Variants in PATJ observed in about 807,000 individuals in gnomAD.
PATJ encodes the protein inaD-like protein.
PATJ carries 190 observed loss-of-function variants against 224.9 expected under a neutral mutation model. The observed-to-expected ratio is 0.84, with a 90% CI of 0.75 to 0.95. The LOEUF (loss-of-function observed/expected upper bound fraction) is 0.95, where lower values mean the gene tolerates loss of function less well. PATJ is among the 40% of genes least tolerant of loss of function. The pLI is 0.00. For synonymous variants in PATJ, 769 were observed against 820.3 expected (o/e 0.94, Z 1.07); for missense variants, 2,121 against 2,270.3 (o/e 0.93, Z 1.34).
intron 22 of PATJ, among the ~76,000 whole-genome samples, chr1:61,894,753 A>G (rs1401969427): frequency 1.3e-5 from 2 of 152,212 alleles, no homozygotes; most frequent in Non-Finnish European, 2.9e-5. Context: ...TACTGCTATA[A>G]AGATAACCTG....
intron 7 of PATJ, among the ~76,000 whole-genome samples, chr1:61,782,642 CA>C (rs1647580901): frequency 1.3e-5 from 2 of 152,132 alleles, no homozygotes; most frequent in Non-Finnish European, 2.9e-5. Context: ...TTAATATAAT[CA>C]GGCCAATTCC....
At chr1:62,075,301 A>G (rs1658101841) in intron 31 of PATJ, among the ~76,000 whole-genome samples, 1 of 152,172 alleles carries the variant, frequency 6.6e-6, no homozygotes, top group Admixed American at 6.5e-5. Context: ...GGAATTTTCC[A>G]TCCCTGAAGG....
intron 28 of PATJ, among the ~76,000 whole-genome samples, chr1:62,002,709 CAAAAAAA>C (rs766357883): frequency 0.18 from 19,873 of 111,994 alleles, 1,445 homozygotes; most frequent in Middle Eastern, 0.27. Context: ...AACTCTGTCT[CAAAAAAA>C]AAAAAAAAAA....
intron 42 of PATJ, 56 bp downstream of exon 42, chr1:62,148,446 C>A: frequency 7.9e-7 from 1 of 1,269,162 alleles, no homozygotes; most frequent in Non-Finnish European, 1.2e-6. Flanking sequence ...CTCGGAAGAA[C>A]TTTTCCAGAC....
intron 14 of PATJ, among the ~76,000 whole-genome samples, chr1:61,821,815 G>A (rs1049666400): frequency 3.3e-5 from 5 of 152,146 alleles, no homozygotes; most frequent in Non-Finnish European, 7.4e-5. Flanking sequence ...AGATTATAAG[G>A]CCACAATGAG....
chr1:62,108,439 T>C lies in PATJ; in HGVS notation c.4380T>C (p.Asn1460=), dbSNP rs916762810. 3 of 1,601,646 alleles carry C rather than the reference T, an allele frequency of 1.9e-6. No individual in the cohort carries two copies. Among genetic ancestry groups the C allele is most frequent in the African/African-American group, 2.7e-5 (2 of 74,700 alleles). ...SIVGGKDTPL[N]AIVIHEVYEE... is the part of the protein sequence containing the mutation. The stretch of plus-strand genomic sequence containing the variant: ...GAGTAAGATTTTATTTTTTATAGAA[T>C]GCTATAGTTATCCATGAAGTCTATG... The change falls in exon 34 of 44, where the codon AAT becomes AAC. Residue 1460 remains asparagine (N), a splice_region_variant and synonymous_variant. Coordinates refer to ENST00000642238, the MANE Select transcript of PATJ (RefSeq NM_001350145.3).
intron 7 of PATJ, among the ~76,000 whole-genome samples, chr1:61,780,719 A>T (rs1046951639): frequency 6.6e-6 from 1 of 152,092 alleles, no homozygotes; most frequent in Admixed American, 6.6e-5. Flanking sequence ...GGTCAAGTAA[A>T]TTTAAACAAA....
intron 20 of PATJ, among the ~76,000 whole-genome samples, chr1:61,871,459 A>ATATACACATATATGCG (rs1666480642): frequency 1.8e-5 from 1 of 56,002 alleles, no homozygotes; most frequent in African/African-American, 7.8e-5. Context: ...ATATATGCGT[A>ATATACACATATATGCG]TATATATGTA....
intron 27 of PATJ, among the ~76,000 whole-genome samples, chr1:61,967,561 A>T (rs1409793836): frequency 6.6e-6 from 1 of 152,226 alleles, no homozygotes; most frequent in Non-Finnish European, 1.5e-5. Context: ...TTATGTTAAA[A>T]TATTGATTCT....
At chr1:61,843,027 A>T (rs1439936373) in intron 17 of PATJ, among the ~76,000 whole-genome samples, 1 of 152,104 alleles carries the variant, frequency 6.6e-6, no homozygotes, top group Non-Finnish European at 1.5e-5. Context: ...CTTGTTTGTG[A>T]GTGTCATTTG....
At chr1:61,748,041 C>G (rs1645112452) in intron 1 of PATJ, among the ~76,000 whole-genome samples, 2 of 151,828 alleles carry the variant, frequency 1.3e-5, no homozygotes, top group South Asian at 4.2e-4. Context: ...CCACCACACC[C>G]TGCTAATTTT....
intron 18 of PATJ, among the ~76,000 whole-genome samples, chr1:61,860,249 T>TG (rs952366487): frequency 6.6e-6 from 1 of 151,468 alleles, no homozygotes; most frequent in Non-Finnish European, 1.5e-5. Context: ...AAAATAGAGA[T>TG]GGGGTCTCTC....
At chr1:62,142,939 G>GC (rs1667648851) in intron 41 of PATJ, among the ~76,000 whole-genome samples, 4 of 152,306 alleles carry the variant, frequency 2.6e-5, no homozygotes, top group Non-Finnish European at 4.4e-5. Flanking sequence ...GCAGGGGAGT[G>GC]CGGATACCCG....
chr1:62,039,427 T>G (rs916453432), intron 30 of PATJ, among the ~76,000 whole-genome samples: 1 of 152,234 alleles, frequency 6.6e-6, no homozygotes, highest in African/African-American at 2.4e-5. Context: ...AAGCACTCTT[T>G]TAGGCATTAG....
chr1:61,842,570 G>A lies in PATJ; in HGVS notation c.2112+8785G>A, dbSNP rs1258630719. Among the ~76,000 whole-genome samples, 11 of 152,058 alleles carry A rather than the reference G, an allele frequency of 7.2e-5. No individual in the cohort carries two copies. In the East Asian group the frequency reaches 1.7e-3, roughly 24 times the overall value. On this transcript the variant is annotated intron_variant, in intron 17 of 43. Coordinates refer to ENST00000642238, the MANE Select transcript of PATJ (RefSeq NM_001350145.3). ...TACCTTTAGTGAGTGTTTCAGACGTGGCCAAACTATAAATATTAGTGTTTT... is the reference window on the plus strand; with the variant it reads ...TACCTTTAGTGAGTGTTTCAGACGTAGCCAAACTATAAATATTAGTGTTTT...
intron 34 of PATJ, among the ~76,000 whole-genome samples, chr1:62,109,569 G>A (rs1663546181): frequency 6.6e-6 from 1 of 152,228 alleles, no homozygotes; most frequent in Admixed American, 6.5e-5. Context: ...AGACCTCTCT[G>A]GGAGCTGGCT....
At chr1:62,053,161 G>A (rs1310176859) in intron 31 of PATJ, among the ~76,000 whole-genome samples, 1 of 152,172 alleles carries the variant, frequency 6.6e-6, no homozygotes, top group African/African-American at 2.4e-5. Context: ...AGAGGCAGAG[G>A]GCCTGGAGGC....
At chr1:61,899,450 A>T (rs1201126718) in intron 22 of PATJ, 133 bp from the exon 23 acceptor site, 3 of 526,232 alleles carry the variant, frequency 5.7e-6, no homozygotes, top group Admixed American at 6.0e-5. Flanking sequence ...TTATTGATGT[A>T]AATATTTTAA....
At chr1:61,864,657 C>T (rs1373583539) in intron 20 of PATJ, 24 bp downstream of exon 20, 2 of 1,559,842 alleles carry the variant, frequency 1.3e-6, no homozygotes, top group African/African-American at 1.3e-5. Flanking sequence ...ATAGATATTC[C>T]ACACCTCCCC....
Sources: allele counts gnomAD v4.1 joint callset (sites outside exome capture counted in the v4.1 genomes callset), GRCh38; gene constraint gnomAD v4.1.1; transcripts MANE v1.5; gene names NCBI Gene and HGNC (gene_info 2026-07-23, HGNC 2026-07-21).